SKIC3: variants seen among roughly 807,000 people sequenced by gnomAD.
The protein encoded by SKIC3 is superkiller complex protein 3.
chr5:95,540,745 A>C, the SKIC3 span: 1 of 1,614,132 alleles, frequency 6.2e-7, no homozygotes, highest in East Asian at 2.2e-5. Flanking sequence ...GAACTGAGTC[A>C]ATTTTCTCCA....
chr5:95,535,762 A>G, the SKIC3 span, among the ~76,000 whole-genome samples: 5 of 152,172 alleles, frequency 3.3e-5, no homozygotes, highest in African/African-American at 4.8e-5. Flanking sequence ...AGTAGTTTTC[A>G]ACCCTTTTTT....
the SKIC3 span, among the ~76,000 whole-genome samples, chr5:95,532,570 A>G: frequency 6.6e-6 from 1 of 152,176 alleles, no homozygotes; most frequent in Non-Finnish European, 1.5e-5. Context: ...TGAGAATACT[A>G]GCTAAATAAA....
the SKIC3 span, chr5:95,497,364 C>T: frequency 7.2e-7 from 1 of 1,381,742 alleles, no homozygotes; most frequent in Non-Finnish European, 1.0e-6. Context: ...ATCATATTTA[C>T]CATATCACAA....
the SKIC3 span, chr5:95,467,951 G>C: frequency 6.2e-7 from 1 of 1,613,482 alleles, no homozygotes; most frequent in Non-Finnish European, 8.5e-7. Context: ...GGGATACCCA[G>C]GCTGATATAC....
At chr5:95,474,644 T>A in the SKIC3 span, among the ~76,000 whole-genome samples, 1 of 152,188 alleles carries the variant, frequency 6.6e-6, no homozygotes, top group East Asian at 1.9e-4. Context: ...TTTTCTGTAT[T>A]TCTTGGATTT....
the SKIC3 span, chr5:95,522,073 A>G: frequency 1.2e-6 from 2 of 1,613,598 alleles, no homozygotes; most frequent in Non-Finnish European, 1.7e-6. Flanking sequence ...CAGGCACATA[A>G]TCTTCTTTCT....
chr5:95,469,682 GTTACAAA>G, the SKIC3 span: 16 of 1,549,460 alleles, frequency 1.0e-5, no homozygotes, highest in Non-Finnish European at 1.3e-5. Context: ...AAATTGGTCT[GTTACAAA>G]CTTTAAAGTT....
chr5:95,531,456 C>T, the SKIC3 span, among the ~76,000 whole-genome samples: 4 of 152,186 alleles, frequency 2.6e-5, no homozygotes, highest in Non-Finnish European at 5.9e-5. Flanking sequence ...AATATTTTCT[C>T]ACCATAGCTT....
the SKIC3 span, chr5:95,512,510 G>C: frequency 4.3e-6 from 7 of 1,613,908 alleles, no homozygotes; most frequent in Non-Finnish European, 5.1e-6. Flanking sequence ...TGTGCTGCTG[G>C]AATAGCATTC....
At chr5:95,534,463 T>C in the SKIC3 span, among the ~76,000 whole-genome samples, 1 of 152,162 alleles carries the variant, frequency 6.6e-6, no homozygotes, top group Admixed American at 6.5e-5. Context: ...CTTTCCTTTG[T>C]ATACCTGCTT....
the SKIC3 span, among the ~76,000 whole-genome samples, chr5:95,466,205 A>G: frequency 6.6e-6 from 1 of 152,204 alleles, no homozygotes; most frequent in Admixed American, 6.5e-5. Context: ...ATAATTTTGG[A>G]TACATATATA....
At chr5:95,466,295 A>G in the SKIC3 span, among the ~76,000 whole-genome samples, 2 of 152,234 alleles carry the variant, frequency 1.3e-5, no homozygotes, top group Non-Finnish European at 2.9e-5. Context: ...AAAGGCAAGA[A>G]TAAGGCAAAC....
chr5:95,535,359 G>T, the SKIC3 span, among the ~76,000 whole-genome samples: 1 of 138,786 alleles, frequency 7.2e-6, no homozygotes, highest in African/African-American at 2.9e-5. Context: ...CGCCCAGGCC[G>T]GAGTGCAGTG....
the SKIC3 span, chr5:95,524,468 C>T: frequency 1.2e-6 from 2 of 1,612,948 alleles, no homozygotes; most frequent in South Asian, 1.1e-5. Flanking sequence ...GCTTTACCTT[C>T]AGAAAGTGGG....
the SKIC3 span, chr5:95,521,928 A>G: frequency 2.8e-4 from 329 of 1,192,266 alleles, no homozygotes; most frequent in African/African-American, 4.6e-3. Context: ...AGAGGTTCAT[A>G]TGGATGCTTG....
At chr5:95,498,403 G>C in the SKIC3 span, 1 of 1,614,048 alleles carries the variant, frequency 6.2e-7, no homozygotes. Flanking sequence ...TTTTTGCACA[G>C]CCACACTGCG....
chr5:95,531,054 A>C, the SKIC3 span, among the ~76,000 whole-genome samples: 111 of 152,026 alleles, frequency 7.3e-4, no homozygotes, highest in Middle Eastern at 3.4e-3. Context: ...TATGGGAAAC[A>C]AAAAAAATTC....
At chr5:95,495,081 AGATT>A in the SKIC3 span, 1 of 1,510,438 alleles carries the variant, frequency 6.6e-7, no homozygotes, top group South Asian at 1.1e-5. Flanking sequence ...GAAAAAATTA[AGATT>A]GATAAGACCT....
chr5:95,485,240 T>G, the SKIC3 span, among the ~76,000 whole-genome samples: 12 of 152,178 alleles, frequency 7.9e-5, no homozygotes, highest in Non-Finnish European at 1.5e-4. Context: ...TTCAGCATTA[T>G]CAAAATTTTC....
Sources: gnomAD v4.1 joint callset for allele counts (sites outside exome capture counted in the v4.1 genomes callset) on GRCh38, gnomAD v4.1.1 for gene constraint, MANE v1.5 for transcripts, NCBI Gene and HGNC (gene_info 2026-07-23, HGNC 2026-07-21) for gene names.